ECD: variants seen among roughly 807,000 people sequenced by gnomAD.
ECD encodes the protein ecdysoneless cell cycle regulator, also known as protein ecdysoneless homolog.
ECD carries 59 observed loss-of-function variants against 77.2 expected under a neutral mutation model. The observed-to-expected ratio is 0.76, with a 90% CI of 0.62 to 0.95. ECD has a LOEUF of 0.95. ECD is among the 40% of genes least tolerant of loss of function. ECD has a pLI of 0.00. For missense variants in ECD, 704 were observed against 763.4 expected (o/e 0.92, Z 0.92); for synonymous variants, 233 against 267.4 (o/e 0.87, Z 1.26).
At chr10:73,152,914 C>CAAAAAAAAAAAAAA (rs146290115) in intron 6 of ECD, among the ~76,000 whole-genome samples, 1 of 148,854 alleles carries the variant, frequency 6.7e-6, no homozygotes, top group South Asian at 2.1e-4. Context: ...GACACTGTTG[C>CAAAAAAAAAAAAAA]AAAAAAAATT....
At position 73,138,084 on chromosome 10, in the gene ECD, G is replaced by A. The variant is rs1564659383; in HGVS notation, c.1422-14C>T. On this transcript the variant is annotated splice_polypyrimidine_tract_variant and intron_variant, in intron 11 of 13. Coordinates refer to ENST00000372979, the MANE Select transcript of ECD (RefSeq NM_007265.3). ...TCAGAAGGTTCTCTGCAATATTAAA[G>A]GACAAAGACAATTAATTTATTCTAA... The A allele has an allele frequency of 1.3e-6, 2 of 1,554,842 alleles. No homozygotes were observed. Among genetic ancestry groups the A allele is most frequent in the Admixed American group, 4.0e-5 (2 of 50,116 alleles).
Position 73,136,854 on chromosome 10 carries a change from A to G in ECD, c.1554T>C (p.Ser518=), listed in dbSNP as rs760403581. ...LDDEDFECLD[S]DDDLDFETHE... The stretch of plus-strand genomic sequence containing the variant: ...GTGTTTCAAAGTCCAAGTCATCATC[A>G]CTATCTAAACATTCAAAGTCTTCAT... Residue 518 remains serine, a synonymous_variant, in exon 13 of 14, where the codon AGT becomes AGC. Transcript: ENST00000372979. 2 of 1,614,080 alleles carry G rather than the reference A, an allele frequency of 1.2e-6. No individual in the cohort carries two copies. Among genetic ancestry groups the G allele is most frequent in the South Asian group, 2.2e-5 (2 of 91,078 alleles).
chr10:73,146,484 T>C (rs1843130514), intron 8 of ECD, 123 bp from the exon 9 acceptor site: 1 of 486,164 alleles, frequency 2.1e-6, no homozygotes, highest in Non-Finnish European at 3.6e-6. Flanking sequence ...GTGCCCCAAG[T>C]CCTAGGCCCT....
chr10:73,136,411 GA>G (rs1487874948), intron 13 of ECD, among the ~76,000 whole-genome samples: 1 of 151,298 alleles, frequency 6.6e-6, no homozygotes, highest in Non-Finnish European at 1.5e-5. Flanking sequence ...AACTACTTTT[GA>G]AAAAAAATGT....
chr10:73,139,233 AG>A, intron 11 of ECD, 75 bp downstream of exon 11: 7 of 1,360,702 alleles, frequency 5.1e-6, no homozygotes, highest in South Asian at 3.3e-5. Context: ...AAAAAAAAAA[AG>A]TGGAAATGGC....
intron 9 of ECD, among the ~76,000 whole-genome samples, chr10:73,145,810 A>G (rs1446837782): frequency 2.0e-5 from 3 of 151,864 alleles, no homozygotes; most frequent in African/African-American, 7.3e-5. Flanking sequence ...ATGCCCAGCT[A>G]ATTTTTGTAT....
intron 3 of ECD, among the ~76,000 whole-genome samples, chr10:73,158,900 T>C (rs1843338486): frequency 2.0e-5 from 3 of 151,556 alleles, no homozygotes; most frequent in South Asian, 4.2e-4. Context: ...ATAAATAAAT[T>C]TAAAACATTT....
In ECD at chr10:73,152,398, A is replaced by C. The variant is rs201647688; in HGVS notation, c.807T>G (p.Tyr269Ter). Residue 269 changes from tyrosine (Y) to a stop codon, truncating the protein, a stop_gained, in exon 7 of 14, where the codon TAT becomes TAG. Coordinates refer to ENST00000372979, the MANE Select transcript of ECD (RefSeq NM_007265.3). LOFTEE classifies it high-confidence loss of function. ...MTSVTFTKCLYAQLVQQRFVP... is the reference protein window; with the variant it reads ...MTSVTFTKCL Reference sequence around the variant, plus strand: ...CAAACCTTTGTTGCACCAATTGTGCATATAGACATTTAGTGAATGTGACCT... The same window carrying C: ...CAAACCTTTGTTGCACCAATTGTGCCTATAGACATTTAGTGAATGTGACCT... The C allele has an allele frequency of 1.2e-6, 2 of 1,613,696 alleles. No homozygotes were observed. Among genetic ancestry groups the C allele is most frequent in the South Asian group, 1.1e-5 (1 of 91,066 alleles).
chr10:73,164,394 T>C (rs1009475078), intron 1 of ECD, among the ~76,000 whole-genome samples: 6 of 152,112 alleles, frequency 3.9e-5, no homozygotes, highest in African/African-American at 1.4e-4. Context: ...AAATAAAATT[T>C]AGTCACATAC....
intron 8 of ECD, among the ~76,000 whole-genome samples, chr10:73,147,862 C>T (rs1377799629): frequency 6.6e-6 from 1 of 151,996 alleles, no homozygotes; most frequent in East Asian, 1.9e-4. Context: ...GAAAGACATT[C>T]TTCATTACTG....
At position 73,154,406 on chromosome 10, in the gene ECD, G is replaced by A; in HGVS notation, c.633C>T (p.Cys211=). Residue 211 remains cysteine (C), a synonymous_variant, in exon 6 of 14, where the codon TGC becomes TGT. Coordinates refer to ENST00000372979, the MANE Select transcript of ECD (RefSeq NM_007265.3). The part of the protein sequence containing the change: ...KIQASLHRAH[C]FLPAGIVAVL... ...CTGCCACAATGCCAGCTGGAAGGAA[G>A]CAGTGTGCTCGATGAAGTGAGGCCT... The A allele has an allele frequency of 1.9e-6, 3 of 1,613,444 alleles. 1 individual carries two copies. In the Admixed American group the frequency reaches 5.0e-5, roughly 27 times the overall value.
intron 9 of ECD, chr10:73,141,395 C>T (rs1204357555): frequency 6.0e-6 from 1 of 166,668 alleles, no homozygotes; most frequent in Non-Finnish European, 1.3e-5. Context: ...ACCTGTTGTC[C>T]CAGGTACTCA....
Position 73,134,343 on chromosome 10 carries a change from C to T in ECD, c.*240G>A, listed in dbSNP as rs1842953627. ...TCTTTAGCATGAAGTGTGTGAATTTCATCTCAAGGTTGTCTAGGGGCTAGA... is the reference window on the plus strand; with the variant it reads ...TCTTTAGCATGAAGTGTGTGAATTTTATCTCAAGGTTGTCTAGGGGCTAGA... On this transcript the variant is annotated 3_prime_UTR_variant, in exon 14 of 14. Transcript: ENST00000372979. The T allele has an allele frequency of 2.1e-6, 1 of 479,810 alleles. No homozygotes were observed. Among genetic ancestry groups the T allele is most frequent in the African/African-American group, 1.9e-5 (1 of 51,914 alleles). 29.7% of individuals were successfully genotyped at this position (479,810 alleles called of 1,614,324 possible). A position where few individuals can be genotyped will look rare whatever the true frequency, so the allele number is the denominator to read the frequency against.
intron 11 of ECD, 139 bp from the exon 12 acceptor site, chr10:73,138,209 GT>G: frequency 1.6e-6 from 1 of 607,526 alleles, no homozygotes; most frequent in Non-Finnish European, 2.6e-6. Flanking sequence ...TGTAGTTTAA[GT>G]TTTAAAAATC....
At chr10:73,137,890 A>T (rs1842996803) in intron 12 of ECD, 113 bp downstream of exon 12, 1 of 729,070 alleles carries the variant, frequency 1.4e-6, no homozygotes. Context: ...AACTCAAACC[A>T]GGAAGAGAAA....
chr10:73,140,246 G>A (rs1206197378), intron 9 of ECD, among the ~76,000 whole-genome samples: 3 of 151,672 alleles, frequency 2.0e-5, no homozygotes, highest in African/African-American at 7.3e-5. Context: ...GCCTCCCAAA[G>A]TGCTGGGATT....
chr10:73,142,124 T>C (rs1843065299), intron 9 of ECD, among the ~76,000 whole-genome samples: 1 of 152,008 alleles, frequency 6.6e-6, no homozygotes. Flanking sequence ...ATTTATTTAT[T>C]TTTAATTTGA....
rs149986429 is a variant in ECD at position 73,154,136 on chromosome 10, G to C, written c.783+120C>G. The C allele has an allele frequency of 3.9e-6, 4 of 1,018,210 alleles. No individual in the cohort carries two copies. The African/African-American group carries it at 6.5e-5, about 17-fold the overall frequency. 63.1% of individuals were successfully genotyped at this position (1,018,210 alleles called of 1,614,324 possible). On this transcript the variant is annotated intron_variant, in intron 6 of 13. Coordinates refer to ENST00000372979, the MANE Select transcript of ECD (RefSeq NM_007265.3). The stretch of plus-strand genomic sequence containing the variant: ...AACAGAATATTTCCTTTTTTTTCTA[G>C]AGAACAATTAAAATAATGTTTCATT...
At chr10:73,161,525 A>C (rs1371659257) in intron 2 of ECD, among the ~76,000 whole-genome samples, 4 of 152,218 alleles carry the variant, frequency 2.6e-5, no homozygotes, top group Non-Finnish European at 5.9e-5. Flanking sequence ...AAATCTGAAC[A>C]GATCTATAAC....
Sources: allele counts gnomAD v4.1 joint callset (sites outside exome capture counted in the v4.1 genomes callset), GRCh38; gene constraint gnomAD v4.1.1; transcripts MANE v1.5; gene names NCBI Gene and HGNC (gene_info 2026-07-23, HGNC 2026-07-21).